Variants in XCR1 observed in about 807,000 individuals in gnomAD.
XCR1 encodes the protein X-C motif chemokine receptor 1, also known as chemokine XC receptor 1.
For missense variants in XCR1, 356 were observed against 424.2 expected, an observed-to-expected ratio of 0.84 and a Z score of 1.41; for synonymous variants, 187 against 188.5, an observed-to-expected ratio of 0.99 and a Z score of 0.06.
rs1697406252 is a variant in XCR1 at position 46,035,352 on chromosome 3, A to G, written c.-31-13374T>C. Among the ~76,000 whole-genome samples the G allele has an allele frequency of 2.0e-5, 3 of 152,218 alleles. No individual in the cohort carries two copies. In the South Asian group the frequency reaches 6.2e-4, roughly 32 times the overall value. On this transcript the variant is annotated intron_variant, in intron 5 of 5. Coordinates refer to the XCR1 transcript ENST00000683768. ...GAGATGGATTTGAGACTAAGCTCCTATCTCCTCAGTTGCAGCACCTGATTA... is the reference window on the plus strand; with the variant it reads ...GAGATGGATTTGAGACTAAGCTCCTGTCTCCTCAGTTGCAGCACCTGATTA...
At position 46,018,614 on chromosome 3, in the gene XCR1, C is replaced by T. The variant is rs891144641; in HGVS notation, c.*2332G>A. 12 of 152,266 alleles carry T rather than the reference C, an allele frequency of 7.9e-5. No individual in the cohort carries two copies. Among genetic ancestry groups the T allele is most frequent in the African/African-American group, 2.4e-4 (10 of 41,524 alleles). The allele number at this position is 152,266 out of a possible 1,614,324, so 9.4% of individuals were successfully genotyped here. On this transcript the variant is annotated 3_prime_UTR_variant, in exon 2 of 2. Coordinates refer to ENST00000309285, the MANE Select transcript of XCR1 (RefSeq NM_001024644.2). ...GAGCCCCTTCCCTTCACTGGTATGCCGCCCAGCCCTGTCCAGCAGGTGCTA... is the reference window on the plus strand; with the variant it reads ...GAGCCCCTTCCCTTCACTGGTATGCTGCCCAGCCCTGTCCAGCAGGTGCTA...
Position 46,085,818 on chromosome 3 carries a change from C to T in XCR1, c.-539G>A, listed in dbSNP as rs369363748. Among the ~76,000 whole-genome samples the T allele has an allele frequency of 1.2e-4, 18 of 152,320 alleles. No homozygotes were observed. In the East Asian group the frequency reaches 2.9e-3, roughly 24 times the overall value. ...CTTGGTGTAGTCCTTGGTGTGACAG[C>T]AGCATCTGGGAGCTTGTTAGAAATG... On this transcript the variant is annotated 5_prime_UTR_variant, in exon 1 of 6. Transcript: ENST00000683768.
intron 4 of XCR1, among the ~76,000 whole-genome samples, chr3:46,057,846 A>G (rs1209459845): frequency 6.6e-6 from 1 of 151,826 alleles, no homozygotes; most frequent in Non-Finnish European, 1.5e-5. Context: ...CTTGCAATAA[A>G]TCTCTATCTA....
Position 46,074,506 on chromosome 3 carries a change from T to C in XCR1, c.-263+145A>G, listed in dbSNP as rs150637486. ...GGGGGGTGAAGGATGAGAAATTATT[T>C]AATGGGTACAATGTACATTATTTGG... is the stretch of plus-strand genomic sequence containing the variant. On this transcript the variant is annotated intron_variant, in intron 3 of 5. Coordinates refer to the XCR1 transcript ENST00000683768. Among the ~76,000 whole-genome samples, 553 of 152,160 alleles carry C rather than the reference T, an allele frequency of 3.6e-3. 4 individuals carry two copies. Among genetic ancestry groups the C allele is most frequent in the African/African-American group, 0.012 (509 of 41,490 alleles).
At chr3:46,062,306 T>C (rs1697977533) in intron 4 of XCR1, among the ~76,000 whole-genome samples, 1 of 152,162 alleles carries the variant, frequency 6.6e-6, no homozygotes, top group Non-Finnish European at 1.5e-5. Flanking sequence ...AATGATGGCC[T>C]CAGCTACTTC....
chr3:46,059,859 T>C (rs1014497620), intron 4 of XCR1, among the ~76,000 whole-genome samples: 21 of 152,230 alleles, frequency 1.4e-4, no homozygotes, highest in African/African-American at 4.8e-4. Context: ...ATCTTTACAA[T>C]AAGAAAGTCA....
intron 1 of XCR1, chr3:46,023,991 T>C: frequency 7.0e-7 from 1 of 1,423,624 alleles, no homozygotes; most frequent in East Asian, 2.3e-5. Flanking sequence ...TGCCGCCACA[T>C]TCAGAAACTG....
chr3:46,022,227 C>A (rs990531283), intron 1 of XCR1: 12 of 356,808 alleles, frequency 3.4e-5, no homozygotes, highest in Admixed American at 1.3e-4. Flanking sequence ...ATTGCTTGAG[C>A]CCAGGAGGGC....
At chr3:46,066,475 C>T (rs1407867154) in intron 4 of XCR1, among the ~76,000 whole-genome samples, 2 of 152,172 alleles carry the variant, frequency 1.3e-5, no homozygotes, top group Non-Finnish European at 2.9e-5. Flanking sequence ...AATCTCTTGA[C>T]CTCTTGATCC....
At chr3:46,033,804 T>C (rs1248193319) in intron 5 of XCR1, among the ~76,000 whole-genome samples, 2 of 152,198 alleles carry the variant, frequency 1.3e-5, no homozygotes, top group African/African-American at 2.4e-5. Flanking sequence ...ACATGGAATA[T>C]TGCTCCATTC....
intron 2 of XCR1, among the ~76,000 whole-genome samples, chr3:46,075,805 T>C (rs763585880): frequency 1.3e-5 from 2 of 152,220 alleles, no homozygotes; most frequent in Non-Finnish European, 2.9e-5. Context: ...ATATATTCAA[T>C]GTCACTAGCT....
chr3:46,080,204 A>C (rs922911205), intron 1 of XCR1, among the ~76,000 whole-genome samples: 14 of 152,132 alleles, frequency 9.2e-5, no homozygotes, highest in South Asian at 6.2e-4. Flanking sequence ...AAAAGAAAAA[A>C]AAAGCCAACA....
Position 46,021,345 on chromosome 3 carries a change from G to A in XCR1, c.603C>T (p.Ile201=), listed in dbSNP as rs1225169203. The A allele has an allele frequency of 6.2e-7, 1 of 1,614,088 alleles. No individual in the cohort carries two copies. The highest frequency in any genetic ancestry group is 1.3e-5 in the African/African-American group (1 of 74,926). ...TGAGGATCTCCACGTAGCAGAACAGGATAATCCCCAGGGACAGCAGGAAGA... is the reference window on the plus strand; with the variant it reads ...TGAGGATCTCCACGTAGCAGAACAGAATAATCCCCAGGGACAGCAGGAAGA... The part of the protein sequence containing the change: ...NLFFLLSLGI[I]LFCYVEILRT... The change falls in exon 2 of 2, where the codon ATC becomes ATT. Residue 201 remains isoleucine (I), a synonymous_variant. Transcript: ENST00000309285. The surrounding 1 kb of genome is among the most constrained non-coding windows in gnomAD (Gnocchi z 4.7).
intron 5 of XCR1, among the ~76,000 whole-genome samples, chr3:46,039,263 C>T (rs918295648): frequency 6.7e-6 from 1 of 148,402 alleles, no homozygotes; most frequent in African/African-American, 2.5e-5. Context: ...TATTCTCATA[C>T]TGAATTTGCA....
chr3:46,030,461 T>C (rs1708375245), upstream of XCR1, among the ~76,000 whole-genome samples: 1 of 152,228 alleles, frequency 6.6e-6, no homozygotes, highest in Non-Finnish European at 1.5e-5. Flanking sequence ...CTTCACCTAT[T>C]GAAGGACATC....
intron 3 of XCR1, among the ~76,000 whole-genome samples, chr3:46,072,504 A>T (rs558455158): frequency 6.6e-6 from 1 of 152,338 alleles, no homozygotes; most frequent in Non-Finnish European, 1.5e-5. Context: ...ACCTTGTCTC[A>T]GTGAAAATAA....
At chr3:46,068,947 C>T (rs1202724112) in intron 3 of XCR1, among the ~76,000 whole-genome samples, 2 of 152,016 alleles carry the variant, frequency 1.3e-5, no homozygotes, top group Admixed American at 6.6e-5. Context: ...AACCAATGTA[C>T]CATGCTGAAA....
rs200377090 is a variant in XCR1 at position 46,021,247 on chromosome 3, T to C, written c.701A>G (p.Tyr234Cys). The change falls in exon 2 of 2, where the codon TAC (tyrosine) becomes TGC (cysteine). Residue 234 changes from tyrosine (Y) to cysteine (C), a missense_variant. By Grantham distance (194) the Tyr-to-Cys change is radical (BLOSUM62 -2). Transcript: ENST00000309285. The surrounding 1 kb of genome is among the most constrained non-coding windows in gnomAD (Gnocchi z 4.7). Reference protein sequence around the residue: ...VKLIFAIVVAYFLSWGPYNFT... With the variant: ...VKLIFAIVVACFLSWGPYNFT... The stretch of plus-strand genomic sequence containing the variant: ...GTTGTAGGGACCCCAGCTGAGGAAG[T>C]AGGCCACCACGATGGCGAAGATGAG... 5.9e-5 allele frequency: 96 copies of C among 1,614,136 alleles called. No individual in the cohort carries two copies. The highest frequency in any genetic ancestry group is 7.8e-5 in the Non-Finnish European group (92 of 1,180,024).
chr3:46,035,593 C>T (rs1575416371), intron 5 of XCR1, among the ~76,000 whole-genome samples: 1 of 146,698 alleles, frequency 6.8e-6, no homozygotes, highest in East Asian at 1.9e-4. Flanking sequence ...AGATAAGTTT[C>T]AGTCTGTCTC....
Sources: allele counts gnomAD v4.1 joint callset (sites outside exome capture counted in the v4.1 genomes callset), GRCh38; gene constraint gnomAD v4.1.1; non-coding constraint Gnocchi (gnomAD v3.1); transcripts MANE v1.5; gene names NCBI Gene and HGNC (gene_info 2026-07-23, HGNC 2026-07-21).